The following NECAB1 variants were observed in gnomAD, a reference collection of about 807,000 sequenced individuals.
The protein encoded by NECAB1 is N-terminal EF-hand calcium-binding protein 1.
NECAB1 carries 29 observed loss-of-function variants against 57.5 expected under a neutral mutation model. That is an observed-to-expected ratio of 0.50 (90% CI 0.38 to 0.69). The LOEUF is 0.69. Ranked by LOEUF, NECAB1 falls within the 30% of genes least tolerant of loss-of-function variation. The pLI is 0.00. For synonymous variants in NECAB1, 142 were observed against 147.7 expected (o/e 0.96, Z 0.28); for missense variants, 372 against 413.8 (o/e 0.90, Z 0.88).
intron 3 of NECAB1, chr8:90,825,059 C>T (rs765920453): frequency 1.5e-4 from 45 of 295,946 alleles, no homozygotes; most frequent in Non-Finnish European, 2.3e-4. Flanking sequence ...TTAGATTGTT[C>T]CCACTTTGCA....
In NECAB1 at chr8:90,876,302, T is replaced by G. The variant is rs112656900; in HGVS notation, c.259+4149T>G. On this transcript the variant is annotated intron_variant, in intron 4 of 12. Coordinates refer to ENST00000417640, the MANE Select transcript of NECAB1 (RefSeq NM_022351.5). ...TAAGAGAGTTTGCGTGTCGCTTATC[T>G]GCATCCCCTCAAAATAGCCCACATT... Among the ~76,000 whole-genome samples the G allele has an allele frequency of 1.9e-3, 296 of 152,236 alleles. 1 individual carries two copies. The highest frequency in any genetic ancestry group is 6.9e-3 in the African/African-American group (287 of 41,562).
chr8:90,945,780 T>C (rs1214542162), intron 10 of NECAB1, among the ~76,000 whole-genome samples: 1 of 152,146 alleles, frequency 6.6e-6, no homozygotes, highest in Non-Finnish European at 1.5e-5. Flanking sequence ...CATCCAGGAA[T>C]ATTCAAGGTC....
intron 3 of NECAB1, among the ~76,000 whole-genome samples, chr8:90,846,868 C>T (rs1312937827): frequency 2.6e-5 from 4 of 152,266 alleles, no homozygotes; most frequent in East Asian, 1.9e-4. Flanking sequence ...TACCTCCCAC[C>T]CTGGATCCCT....
intron 5 of NECAB1, among the ~76,000 whole-genome samples, chr8:90,891,149 T>C (rs1809156083): frequency 6.6e-6 from 1 of 151,868 alleles, no homozygotes; most frequent in African/African-American, 2.4e-5. Context: ...GAATACAGAG[T>C]GTTTGAAGCA....
At position 90,957,381 on chromosome 8, in the gene NECAB1, T is replaced by C. The variant is rs1811050217; in HGVS notation, c.*1869T>C. ...TCCAAAGTAGCATGGTAGTATTACT[T>C]GTTAAAAGGGTTCTGTTTTCATTAA... On this transcript the variant is annotated 3_prime_UTR_variant, in exon 13 of 13. Transcript: ENST00000417640. 6.6e-6 allele frequency: 1 copy of C among 151,838 alleles called. No individual in the cohort carries two copies. The highest frequency in any genetic ancestry group is 1.5e-5 in the Non-Finnish European group (1 of 67,862). The allele number at this position is 151,838 out of a possible 1,614,324, so 9.4% of individuals were successfully genotyped here. A position where few individuals can be genotyped will look rare whatever the true frequency, so the allele number is the denominator to read the frequency against.
intron 2 of NECAB1, among the ~76,000 whole-genome samples, chr8:90,821,982 A>G (rs1812151294): frequency 6.6e-6 from 1 of 151,912 alleles, no homozygotes. Flanking sequence ...AATTTGGAAC[A>G]TAAGGCCAGG....
At chr8:90,870,331 T>C (rs553837429) in intron 3 of NECAB1, among the ~76,000 whole-genome samples, 3 of 152,346 alleles carry the variant, frequency 2.0e-5, no homozygotes, top group Non-Finnish European at 2.9e-5. Flanking sequence ...ATGACCATGT[T>C]ATTCACCATT....
chr8:90,887,104 G>A (rs536990601), intron 5 of NECAB1, among the ~76,000 whole-genome samples: 38 of 152,014 alleles, frequency 2.5e-4, no homozygotes, highest in South Asian at 2.1e-4. Context: ...TGTTCTGTCC[G>A]TGACATGCCA....
Position 90,958,740 on chromosome 8 carries a change from T to TATAA in NECAB1, c.*3232_*3235dup. ...AAAAAATTGCAAGTAGTATGCAAAT[T>TATAA]ATAAATATACAGTCTTCCCACTTCA... On this transcript the variant is annotated 3_prime_UTR_variant, in exon 13 of 13. Coordinates refer to ENST00000417640, the MANE Select transcript of NECAB1 (RefSeq NM_022351.5). The TATAA allele has an allele frequency of 3.0e-6, 1 of 337,300 alleles. No homozygotes were observed. The highest frequency in any genetic ancestry group is 5.4e-6 in the Non-Finnish European group (1 of 186,554). 20.9% of individuals were successfully genotyped at this position (337,300 alleles called of 1,614,324 possible). A position where few individuals can be genotyped will look rare whatever the true frequency, so the allele number is the denominator to read the frequency against.
At position 90,907,141 on chromosome 8, in the gene NECAB1, T is replaced by TGAGAGAGA. The variant is rs1352529506; in HGVS notation, c.358-10350_358-10349insAGAGAGAG. Among the ~76,000 whole-genome samples, 42 of 127,100 alleles carry TGAGAGAGA rather than the reference T, an allele frequency of 3.3e-4. 1 individual carries two copies. The highest frequency in any genetic ancestry group is 2.6e-3 in the Admixed American group (29 of 11,246). 83.4% of individuals were successfully genotyped at this position (127,100 alleles called of 152,430 possible). A position where few individuals can be genotyped will look rare whatever the true frequency, so the allele number is the denominator to read the frequency against. ...CCAATTTTGTGTGTGTGTGTGTGTG[T>TGAGAGAGA]GTGTGTGTGTGAGAGAGAGAGAGAG... On this transcript the variant is annotated intron_variant, in intron 5 of 12. Coordinates refer to ENST00000417640, the MANE Select transcript of NECAB1 (RefSeq NM_022351.5).
intron 3 of NECAB1, among the ~76,000 whole-genome samples, chr8:90,853,170 C>T (rs558297335): frequency 6.6e-6 from 1 of 152,362 alleles, no homozygotes; most frequent in African/African-American, 2.4e-5. Flanking sequence ...TGCATGCTGC[C>T]TCCTGTGAGG....
intron 6 of NECAB1, among the ~76,000 whole-genome samples, chr8:90,920,422 A>G (rs138310046): frequency 2.6e-4 from 40 of 152,312 alleles, no homozygotes; most frequent in African/African-American, 9.4e-4. Flanking sequence ...AAAAGTGAGG[A>G]GAGCCCTGGG....
intron 3 of NECAB1, among the ~76,000 whole-genome samples, chr8:90,868,975 C>T (rs1015130166): frequency 3.3e-5 from 5 of 152,268 alleles, no homozygotes; most frequent in African/African-American, 9.6e-5. Context: ...GCCTAGGGCC[C>T]TGCTGCTCTG....
At chr8:90,950,151 A>T (rs755274100) in intron 11 of NECAB1, among the ~76,000 whole-genome samples, 4 of 152,132 alleles carry the variant, frequency 2.6e-5, no homozygotes, top group African/African-American at 7.2e-5. Flanking sequence ...GAAGATATAG[A>T]TAGGGGGTAT....
intron 5 of NECAB1, among the ~76,000 whole-genome samples, chr8:90,885,202 G>A (rs914020818): frequency 1.4e-4 from 22 of 152,202 alleles, no homozygotes; most frequent in Admixed American, 8.5e-4. Context: ...TAGATGAGTA[G>A]TTCAGGCAAA....
At chr8:90,896,704 G>GT (rs1251709764) in intron 5 of NECAB1, among the ~76,000 whole-genome samples, 3 of 152,016 alleles carry the variant, frequency 2.0e-5, no homozygotes, top group African/African-American at 7.2e-5. Context: ...TAACTTCCTC[G>GT]TAAAGCAATC....
intron 8 of NECAB1, among the ~76,000 whole-genome samples, chr8:90,929,282 T>C (rs1810350395): frequency 6.6e-6 from 1 of 152,160 alleles, no homozygotes; most frequent in African/African-American, 2.4e-5. Context: ...GGACTTTGTG[T>C]GGCAGGAAGA....
chr8:90,892,662 G>A (rs562048316), intron 5 of NECAB1, among the ~76,000 whole-genome samples: 14 of 152,046 alleles, frequency 9.2e-5, no homozygotes, highest in Admixed American at 3.9e-4. Context: ...TTCTTCCCTC[G>A]CAACCCACTG....
chr8:90,825,430 C>T (rs1243892901), intron 3 of NECAB1, among the ~76,000 whole-genome samples: 1 of 151,740 alleles, frequency 6.6e-6, no homozygotes, highest in Admixed American at 6.6e-5. Flanking sequence ...ATAATGAGGA[C>T]TTTAGGGTAT....
Sources: gnomAD v4.1 joint callset for allele counts (sites outside exome capture counted in the v4.1 genomes callset) on GRCh38, gnomAD v4.1.1 for gene constraint, MANE v1.5 for transcripts, NCBI Gene and HGNC (gene_info 2026-07-23, HGNC 2026-07-21) for gene names.